The following TUBD1 variants were observed in gnomAD, a reference collection of about 807,000 sequenced individuals.
TUBD1 encodes tubulin delta chain.
A neutral mutation model predicts 51.2 loss-of-function variants in TUBD1; 38 were observed. The ratio of observed to expected loss-of-function variants is 0.74; its 90% CI spans 0.57 to 0.97. The LOEUF is 0.97. Ranked by LOEUF, TUBD1 falls within the 50% of genes least tolerant of loss-of-function variation. TUBD1 has a pLI of 0.00. For synonymous variants in TUBD1, 169 were observed against 178.2 expected (o/e 0.95, Z 0.41); for missense variants, 489 against 538.4 (o/e 0.91, Z 0.91).
Position 59,882,575 on chromosome 17 carries a change from C to T in TUBD1, c.321-1465G>A, listed in dbSNP as rs57884160. On this transcript the variant is annotated intron_variant, in intron 3 of 8. Transcript: ENST00000325752. ...GTGTTGGGATTACAGGTATTAGCCA[C>T]GGCACCTGGCACCCCCCATCCCACA... Among the ~76,000 whole-genome samples, 1,363 of 152,030 alleles carry T rather than the reference C, an allele frequency of 9.0e-3. 22 individuals are homozygous for T. Among genetic ancestry groups the T allele is most frequent in the African/African-American group, 0.031 (1,293 of 41,450 alleles).
intron 2 of TUBD1, among the ~76,000 whole-genome samples, chr17:59,888,790 C>T (rs914535942): frequency 1.3e-5 from 2 of 151,448 alleles, no homozygotes; most frequent in African/African-American, 4.9e-5. Flanking sequence ...TACAATGGCA[C>T]ACTCTCCGAC....
At chr17:59,870,706 T>C (rs2039946644) in intron 6 of TUBD1, among the ~76,000 whole-genome samples, 2 of 152,210 alleles carry the variant, frequency 1.3e-5, no homozygotes, top group African/African-American at 2.4e-5. Flanking sequence ...AGGAAAGAGA[T>C]GGAGGAGGAA....
At chr17:59,872,634 TTGTA>T (rs751262216) in intron 6 of TUBD1, among the ~76,000 whole-genome samples, 50 of 147,400 alleles carry the variant, frequency 3.4e-4, no homozygotes, top group Middle Eastern at 3.5e-3. Context: ...GTAATTGTGT[TTGTA>T]TGTGTGAGTA....
At chr17:59,891,337 G>C (rs929751719) in intron 1 of TUBD1, among the ~76,000 whole-genome samples, 3 of 144,246 alleles carry the variant, frequency 2.1e-5, no homozygotes, top group Admixed American at 7.0e-5. Flanking sequence ...CACCATGTTG[G>C]CCAGGTTGGT....
At chr17:59,878,484 G>GT in intron 4 of TUBD1, 150 bp from the exon 5 acceptor site, 1 of 507,700 alleles carries the variant, frequency 2.0e-6, no homozygotes, top group Admixed American at 3.6e-5. Flanking sequence ...TCTATGCTCA[G>GT]TTTCCTTTTT....
At chr17:59,890,680 G>C (rs1295906812) in intron 2 of TUBD1, 151 bp downstream of exon 2, 6 of 652,546 alleles carry the variant, frequency 9.2e-6, no homozygotes, top group Non-Finnish European at 1.5e-5. Flanking sequence ...CACTGGAAAA[G>C]CAAAGATTAT....
chr17:59,867,975 C>G (rs2039783831), intron 6 of TUBD1, among the ~76,000 whole-genome samples: 1 of 151,572 alleles, frequency 6.6e-6, no homozygotes, highest in Non-Finnish European at 1.5e-5. Context: ...AAGGTGTTAA[C>G]TTCAAGGCTG....
At chr17:59,888,909 A>C (rs2040855708) in intron 2 of TUBD1, among the ~76,000 whole-genome samples, 1 of 149,432 alleles carries the variant, frequency 6.7e-6, no homozygotes, top group Admixed American at 6.7e-5. Context: ...ATGGGGTTTC[A>C]CCACGTTGGC....
At position 59,890,841 on chromosome 17, in the gene TUBD1, C is replaced by T. The variant is rs2040967076; in HGVS notation, c.162G>A (p.Glu54=). The part of the protein sequence containing the change: ...ASCKERFFSE[E]ENGVPIARAV... ...GTGGGCCACACCTACCTCCATTCTC[C>T]TCCTCACTGAAGAATCTTTCTTTGC... Residue 54 remains glutamate (E), a synonymous_variant, in exon 2 of 9, where the codon GAG becomes GAA. Coordinates refer to ENST00000325752, the MANE Select transcript of TUBD1 (RefSeq NM_016261.4). The T allele has an allele frequency of 1.9e-6, 3 of 1,611,616 alleles. No individual in the cohort carries two copies. The East Asian group carries it at 6.7e-5, about 36-fold the overall frequency.
chr17:59,884,527 T>C (rs2040629034), intron 3 of TUBD1: 1 of 152,030 alleles, frequency 6.6e-6, no homozygotes, highest in African/African-American at 2.4e-5. Context: ...GGCAGGAGAA[T>C]CACTTGAACC....
At chr17:59,876,140 T>C (rs957429358) in intron 5 of TUBD1, among the ~76,000 whole-genome samples, 1 of 152,082 alleles carries the variant, frequency 6.6e-6, no homozygotes, top group African/African-American at 2.4e-5. Context: ...CAAGTAAATA[T>C]AGAATAGTCA....
chr17:59,880,680 A>C (rs1324762293), intron 4 of TUBD1, among the ~76,000 whole-genome samples: 1 of 150,622 alleles, frequency 6.6e-6, no homozygotes, highest in African/African-American at 2.4e-5. Flanking sequence ...ACGCCTGGCT[A>C]ATTTTTTGTA....
At chr17:59,890,432 T>C (rs572418410) in intron 2 of TUBD1, among the ~76,000 whole-genome samples, 37 of 152,010 alleles carry the variant, frequency 2.4e-4, no homozygotes, top group Non-Finnish European at 4.1e-4. Flanking sequence ...TTAGTAGAGA[T>C]GGGGTTTCAC....
chr17:59,891,263 T>A (rs2041004065), intron 1 of TUBD1, among the ~76,000 whole-genome samples: 1 of 152,072 alleles, frequency 6.6e-6, no homozygotes, highest in South Asian at 2.1e-4. Context: ...CCCGAGTAGC[T>A]GGGATTACAG....
In TUBD1 at chr17:59,878,328, C is replaced by G. The variant is rs753473459; in HGVS notation, c.544G>C (p.Val182Leu). Residue 182 changes from valine (V) to leucine (L), a missense_variant, in exon 5 of 9, where the codon GTT becomes CTT. Val to Leu is a conservative substitution (Grantham distance 32). Coordinates refer to ENST00000325752, the MANE Select transcript of TUBD1 (RefSeq NM_016261.4). ...IWPYGTGEVI[V>L]QNYNSILTLS... is the part of the protein sequence containing the mutation. ...GTCAAAATGGAGTTGTAGTTTTGAA[C>G]AATAACCTGGAGAGGAAAAGGTCAG... The G allele has an allele frequency of 6.2e-7, 1 of 1,610,476 alleles. No homozygotes were observed. Among genetic ancestry groups the G allele is most frequent in the Admixed American group, 1.7e-5 (1 of 59,914 alleles).
intron 6 of TUBD1, among the ~76,000 whole-genome samples, chr17:59,873,416 A>AT (rs1223575626): frequency 1.3e-5 from 2 of 151,046 alleles, no homozygotes; most frequent in Non-Finnish European, 3.0e-5. Context: ...TGTCCAGATA[A>AT]TTTTTTATAT....
chr17:59,867,412 C>T (rs1386135266), intron 6 of TUBD1, among the ~76,000 whole-genome samples: 4 of 152,120 alleles, frequency 2.6e-5, no homozygotes, highest in Admixed American at 6.6e-5. Context: ...AAGGGCTATA[C>T]TCAAGAAATC....
At chr17:59,869,280 C>T (rs934168482) in intron 6 of TUBD1, among the ~76,000 whole-genome samples, 1 of 150,204 alleles carries the variant, frequency 6.7e-6, no homozygotes. Flanking sequence ...TCAAGACCAG[C>T]CTGGCCAATA....
intron 4 of TUBD1, among the ~76,000 whole-genome samples, chr17:59,880,237 T>G (rs2040420773): frequency 6.6e-6 from 1 of 151,024 alleles, no homozygotes; most frequent in African/African-American, 2.4e-5. Context: ...TTTTGTATTT[T>G]TAGTAGAAAC....
Sources: gnomAD v4.1 joint callset for allele counts (sites outside exome capture counted in the v4.1 genomes callset) on GRCh38, gnomAD v4.1.1 for gene constraint, MANE v1.5 for transcripts, NCBI Gene and HGNC (gene_info 2026-07-23, HGNC 2026-07-21) for gene names.